Variants in SEL1L2 observed in about 807,000 individuals in gnomAD.
The protein encoded by SEL1L2 is SEL1L2 adaptor subunit of SYVN1 ubiquitin ligase, also known as protein sel-1 homolog 2.
Under a neutral mutation model 98.8 loss-of-function variants are expected in SEL1L2, and 89 were observed. That is an observed-to-expected ratio of 0.90 (90% CI 0.76 to 1.07). The LOEUF (loss-of-function observed/expected upper bound fraction) is 1.07. SEL1L2 is among the 50% of genes least tolerant of loss of function. The pLI, the probability that SEL1L2 is intolerant of heterozygous loss-of-function variation, is 0.00. For synonymous variants in SEL1L2, 262 were observed against 278.5 expected (o/e 0.94, Z 0.59); for missense variants, 788 against 812.0 (o/e 0.97, Z 0.36).
At chr20:13,915,093 T>C (rs1384698380) in intron 4 of SEL1L2, 1 of 1,271,084 alleles carries the variant, frequency 7.9e-7, no homozygotes, top group East Asian at 5.6e-5. Context: ...TACCATTGCT[T>C]CTGATTTAGG....
Position 13,849,919 on chromosome 20 carries a change from T to C in SEL1L2, c.1947+272A>G. 2.0e-5 allele frequency: 11 copies of C among 552,434 alleles called. No individual in the cohort carries two copies. In the South Asian group the frequency reaches 2.1e-4, roughly 11 times the overall value. 34.2% of individuals were successfully genotyped at this position (552,434 alleles called of 1,614,324 possible). On this transcript the variant is annotated intron_variant, in intron 19 of 19. Coordinates refer to ENST00000284951, the MANE Select transcript of SEL1L2 (RefSeq NM_025229.2). ...AAGAACTGTTTTGAAGAAGTATATA[T>C]AGCACATGTCACTGTGCTTAAGGCT...
intron 1 of SEL1L2, among the ~76,000 whole-genome samples, chr20:13,981,809 C>G (rs919142217): frequency 1.4e-4 from 22 of 152,206 alleles, no homozygotes; most frequent in African/African-American, 5.3e-4. Flanking sequence ...TGCAGTTTGT[C>G]TTTTCCCTGG....
chr20:13,920,884 A>G (rs2048637534), intron 3 of SEL1L2, among the ~76,000 whole-genome samples: 1 of 152,208 alleles, frequency 6.6e-6, no homozygotes, highest in African/African-American at 2.4e-5. Flanking sequence ...ATTATTTTGA[A>G]TACTTCACAC....
chr20:13,968,463 T>C (rs2051145311), intron 1 of SEL1L2, among the ~76,000 whole-genome samples: 1 of 152,232 alleles, frequency 6.6e-6, no homozygotes, highest in Admixed American at 6.5e-5. Flanking sequence ...GAAATAATTT[T>C]GGAGAAATGC....
At chr20:13,870,105 C>T (rs777645560) in intron 13 of SEL1L2, 36 bp downstream of exon 13, 3 of 1,433,314 alleles carry the variant, frequency 2.1e-6, no homozygotes, top group South Asian at 2.4e-5. Flanking sequence ...CTGTAAATTG[C>T]TACAAATAAA....
At chr20:13,985,137 C>T (rs2052100097) in intron 1 of SEL1L2, among the ~76,000 whole-genome samples, 1 of 151,996 alleles carries the variant, frequency 6.6e-6, no homozygotes, top group African/African-American at 2.4e-5. Flanking sequence ...TACTATTCTA[C>T]TCTCAAAGTC....
chr20:13,979,391 C>G (rs976960313), intron 1 of SEL1L2, among the ~76,000 whole-genome samples: 1 of 152,126 alleles, frequency 6.6e-6, no homozygotes, highest in East Asian at 1.9e-4. Context: ...TTCGGAAAAG[C>G]TAGAAGAGAA....
intron 1 of SEL1L2, among the ~76,000 whole-genome samples, chr20:13,962,939 C>A (rs1337771820): frequency 1.3e-5 from 2 of 151,826 alleles, no homozygotes; most frequent in Non-Finnish European, 2.9e-5. Context: ...TGGTGGCATG[C>A]ACCTATAATC....
chr20:13,974,611 T>C (rs1440884365), intron 1 of SEL1L2, among the ~76,000 whole-genome samples: 2 of 151,668 alleles, frequency 1.3e-5, no homozygotes, highest in Non-Finnish European at 1.5e-5. Flanking sequence ...CCCAAGTAGC[T>C]GATATTACAG....
intron 1 of SEL1L2, among the ~76,000 whole-genome samples, chr20:13,977,606 T>A (rs759209681): frequency 7.3e-5 from 11 of 151,546 alleles, no homozygotes; most frequent in Non-Finnish European, 1.5e-4. Context: ...AAAAGTGGAG[T>A]GGAATTGGGA....
At chr20:13,921,604 T>C (rs2048671054) in intron 3 of SEL1L2, among the ~76,000 whole-genome samples, 1 of 152,182 alleles carries the variant, frequency 6.6e-6, no homozygotes, top group Admixed American at 6.6e-5. Flanking sequence ...AAAAATGATT[T>C]ACAGGAAACA....
At chr20:13,972,143 T>A (rs2051313796) in intron 1 of SEL1L2, among the ~76,000 whole-genome samples, 1 of 152,196 alleles carries the variant, frequency 6.6e-6, no homozygotes, top group African/African-American at 2.4e-5. Context: ...AATTTTAGAA[T>A]AAGCTTGTCA....
chr20:13,968,800 G>T (rs1231992704), intron 1 of SEL1L2, among the ~76,000 whole-genome samples: 1 of 152,170 alleles, frequency 6.6e-6, no homozygotes, highest in Non-Finnish European at 1.5e-5. Flanking sequence ...TAGAGAGGTG[G>T]TAAAGAGAAA....
At chr20:13,852,048 G>T (rs958332427) in intron 18 of SEL1L2, among the ~76,000 whole-genome samples, 2 of 152,148 alleles carry the variant, frequency 1.3e-5, no homozygotes, top group Admixed American at 1.3e-4. Context: ...ACCCTAATTT[G>T]TGTCTCTGAT....
chr20:13,971,883 T>C (rs1004323539), intron 1 of SEL1L2, among the ~76,000 whole-genome samples: 2 of 152,216 alleles, frequency 1.3e-5, no homozygotes, highest in South Asian at 2.1e-4. Context: ...TTCTTTCAGG[T>C]ACTAAATTCT....
chr20:13,851,754 T>C (rs1988296090), intron 18 of SEL1L2, among the ~76,000 whole-genome samples: 1 of 152,154 alleles, frequency 6.6e-6, no homozygotes, highest in Non-Finnish European at 1.5e-5. Context: ...AGAAGAGGAA[T>C]TTTTCACAAA....
chr20:13,877,599 A>G lies in SEL1L2; in HGVS notation c.958-11T>C, dbSNP rs1399289145. On this transcript the variant is annotated splice_polypyrimidine_tract_variant and intron_variant, in intron 10 of 19. Transcript: ENST00000284951. ...GTAGTGTAATGCTTTCTGGAGAGAA[A>G]AGGAACAGTGTTATTGCTAGTCACA... is the stretch of plus-strand genomic sequence containing the variant. The G allele has an allele frequency of 6.2e-7, 1 of 1,608,988 alleles. No individual in the cohort carries two copies. The highest frequency in any genetic ancestry group is 8.5e-7 in the Non-Finnish European group (1 of 1,175,960).
rs904809080 is a variant in SEL1L2, at chr20:13,866,607, T to C, written c.1404+95A>G. The C allele has an allele frequency of 1.8e-5, 18 of 1,027,614 alleles. No individual in the cohort carries two copies. In the Admixed American group the frequency reaches 5.4e-4, roughly 31 times the overall value. The allele number at this position is 1,027,614 out of a possible 1,614,324, so 63.7% of individuals were successfully genotyped here. ...CAACTGGAAGAAAAGAGGTAATATT[T>C]ATAAAATCAAAGACACCAACAATTT... On this transcript the variant is annotated intron_variant, in intron 15 of 19. Transcript: ENST00000284951.
intron 5 of SEL1L2, among the ~76,000 whole-genome samples, chr20:13,898,714 C>T (rs1017230376): frequency 1.3e-5 from 2 of 151,892 alleles, no homozygotes; most frequent in East Asian, 1.9e-4. Flanking sequence ...TGTTTAGCAC[C>T]TTTTAATGGC....
Sources: gnomAD v4.1 joint callset for allele counts (sites outside exome capture counted in the v4.1 genomes callset) on GRCh38, gnomAD v4.1.1 for gene constraint, MANE v1.5 for transcripts, NCBI Gene and HGNC (gene_info 2026-07-23, HGNC 2026-07-21) for gene names.